SNRK: variants seen among roughly 807,000 people sequenced by gnomAD.
SNRK encodes SNF related kinase, also known as SNF-related serine/threonine-protein kinase.
In SNRK, 3 loss-of-function variants were observed where a neutral mutation model predicts 48.2. The ratio of observed to expected loss-of-function variants is 0.06; its 90% CI spans 0.03 to 0.16. The LOEUF (loss-of-function observed/expected upper bound fraction) is 0.16, where lower values mean the gene tolerates loss of function less well. Among genes scored for constraint, SNRK ranks in the 10% least tolerant of loss-of-function variants. SNRK has a pLI of 1.00. For synonymous variants in SNRK, 376 were observed against 366.1 expected, an observed-to-expected ratio of 1.03 and a Z score of -0.31; for missense variants, 627 against 976.0, an observed-to-expected ratio of 0.64 and a Z score of 4.76.
intron 2 of SNRK, among the ~76,000 whole-genome samples, chr3:43,300,331 G>A (rs1389188723): frequency 6.6e-6 from 1 of 151,964 alleles, no homozygotes; most frequent in Admixed American, 6.6e-5. Flanking sequence ...TGAAAAAAAA[G>A]CTTTTTCATT....
chr3:43,339,236 T>C (rs1463613241), intron 4 of SNRK, among the ~76,000 whole-genome samples: 2 of 152,220 alleles, frequency 1.3e-5, no homozygotes, highest in African/African-American at 2.4e-5. Context: ...GACCAGCTTG[T>C]AGTTAGAAGA....
chr3:43,340,626 C>T lies in SNRK; in HGVS notation c.944+127C>T, dbSNP rs1003152977. ...AGTTCCCAGTTGGCAAGAGTTGTGT[C>T]ATTTATCTCTAAAGTTCTTGGCCCA... On this transcript the variant is annotated intron_variant, in intron 5 of 6. Coordinates refer to ENST00000296088, the MANE Select transcript of SNRK (RefSeq NM_017719.5). 14 of 824,134 alleles carry T rather than the reference C, an allele frequency of 1.7e-5. No individual in the cohort carries two copies. In the African/African-American group the frequency reaches 2.4e-4, roughly 14 times the overall value. 51.1% of individuals were successfully genotyped at this position (824,134 alleles called of 1,614,324 possible). A position where few individuals can be genotyped will look rare whatever the true frequency, so the allele number is the denominator to read the frequency against.
In SNRK at chr3:43,347,789, C is replaced by T. The variant is rs1214882368; in HGVS notation, c.1530C>T (p.Ser510=). ...DMDENLPPKL[S]RLKMNIASPG... ...ATGAGAATCTGCCTCCCAAGTTGAG[C>T]AGGTTAAAGATGAATATAGCTTCTC... Residue 510 remains serine, a synonymous_variant, in exon 7 of 7, where the codon AGC becomes AGT. Coordinates refer to ENST00000296088, the MANE Select transcript of SNRK (RefSeq NM_017719.5). The surrounding 1 kb of genome is among the most constrained non-coding windows in gnomAD (Gnocchi z 5.4). 3 of 1,614,022 alleles carry T rather than the reference C, an allele frequency of 1.9e-6. No individual in the cohort carries two copies. The highest frequency in any genetic ancestry group is 2.5e-6 in the Non-Finnish European group (3 of 1,180,048).
Position 43,348,522 on chromosome 3 carries a change from G to T in SNRK, c.2263G>T (p.Ala755Ser). Reference protein sequence around the residue: ...QRNPKEGLLCASSPASCCHVI With the variant: ...QRNPKEGLLCSSSPASCCHVI ...GAACCCTAAGGAGGGGCTGCTGTGC[G>T]CATCCAGCCCAGCCAGCTGTTGCCA... The change falls in exon 7 of 7, where the codon GCA (alanine) becomes TCA (serine). Residue 755 changes from alanine to serine, a missense_variant. By Grantham distance (99) the Ala-to-Ser change is moderately conservative. Around this residue, in one of 4 missense-constraint regions of SNRK, gnomAD observed 207 missense variants for 234.3 expected, o/e 0.88. Coordinates refer to ENST00000296088, the MANE Select transcript of SNRK (RefSeq NM_017719.5). 6.4e-7 allele frequency: 1 copy of T among 1,550,856 alleles called. No homozygotes were observed.
chr3:43,306,088 T>A (rs1025517028), intron 3 of SNRK, among the ~76,000 whole-genome samples: 3 of 152,198 alleles, frequency 2.0e-5, no homozygotes, highest in Non-Finnish European at 4.4e-5. Flanking sequence ...TGGGAAGATG[T>A]TCACCAGTCT....
At chr3:43,343,595 C>T (rs373653002) in intron 6 of SNRK, 117 bp downstream of exon 6, 77 of 1,152,398 alleles carry the variant, frequency 6.7e-5, no homozygotes, top group African/African-American at 3.2e-4. Flanking sequence ...ACAGTGATGA[C>T]GGCCTCATTG....
chr3:43,296,171 A>G (rs1404881159), intron 1 of SNRK, among the ~76,000 whole-genome samples: 1 of 152,084 alleles, frequency 6.6e-6, no homozygotes, highest in Non-Finnish European at 1.5e-5. Flanking sequence ...TACCATTTTT[A>G]AAATTTTAGC....
At chr3:43,326,050 G>A (rs1039163420) in intron 3 of SNRK, among the ~76,000 whole-genome samples, 1 of 152,092 alleles carries the variant, frequency 6.6e-6, no homozygotes, top group Non-Finnish European at 1.5e-5. Context: ...AGTTGGAAGG[G>A]TGTCTGCTGC....
chr3:43,335,486 T>A (rs577184856), intron 4 of SNRK, among the ~76,000 whole-genome samples: 1 of 152,140 alleles, frequency 6.6e-6, no homozygotes, highest in East Asian at 1.9e-4. Flanking sequence ...TTCAAATTGC[T>A]GAGACTTGCT....
At chr3:43,311,563 C>T (rs2090979075) in intron 3 of SNRK, among the ~76,000 whole-genome samples, 1 of 152,162 alleles carries the variant, frequency 6.6e-6, no homozygotes, top group Non-Finnish European at 1.5e-5. Flanking sequence ...TGTGAAAAAT[C>T]CTGGAATCTC....
At chr3:43,343,299 A>G (rs780300676) in intron 5 of SNRK, 45 bp from the exon 6 acceptor site, 3 of 1,531,186 alleles carry the variant, frequency 2.0e-6, no homozygotes, top group Non-Finnish European at 2.6e-6. Context: ...TTGTAAAAAA[A>G]CCTCCTGATA....
chr3:43,327,445 G>C (rs1292441265), intron 3 of SNRK, among the ~76,000 whole-genome samples: 1 of 152,142 alleles, frequency 6.6e-6, no homozygotes. Context: ...TATTTTATCT[G>C]CTGTGGTTTT....
chr3:43,287,454 T>C (rs1506618), intron 1 of SNRK, among the ~76,000 whole-genome samples: 149,340 of 152,272 alleles, frequency 0.98, 73,298 homozygotes, highest in East Asian at 1. Context: ...AGTCCAGTAG[T>C]TTCATAGGGA....
rs913442829 is a variant in SNRK at position 43,349,704 on chromosome 3, A to C, written c.*1147A>C. On this transcript the variant is annotated 3_prime_UTR_variant, in exon 7 of 7. Transcript: ENST00000296088. ...CTTTGCCTTTTTCTGCCAAAACAAT[A>C]ATCAAAGAACTCTTGCTTTAACCTA... The C allele has an allele frequency of 6.6e-6, 1 of 152,344 alleles. No homozygotes were observed. The highest frequency in any genetic ancestry group is 2.4e-5 in the African/African-American group (1 of 41,566). 9.4% of individuals were successfully genotyped at this position (152,344 alleles called of 1,614,324 possible). A position where few individuals can be genotyped will look rare whatever the true frequency, so the allele number is the denominator to read the frequency against.
At chr3:43,306,844 T>C (rs2090941766) in intron 3 of SNRK, among the ~76,000 whole-genome samples, 2 of 152,184 alleles carry the variant, frequency 1.3e-5, no homozygotes, top group African/African-American at 4.8e-5. Flanking sequence ...AATGGATAGA[T>C]TTATTTTTCT....
chr3:43,290,363 T>C (rs1389861053), intron 1 of SNRK, among the ~76,000 whole-genome samples: 3 of 152,228 alleles, frequency 2.0e-5, no homozygotes, highest in African/African-American at 7.2e-5. Context: ...ATTTTAGAAC[T>C]AGAAGCAAAT....
rs757913103 is a variant in SNRK at position 43,347,587 on chromosome 3, T to A, written c.1328T>A (p.Phe443Tyr). 1 of 1,613,996 alleles carries A rather than the reference T, an allele frequency of 6.2e-7. No homozygotes were observed. The highest frequency in any genetic ancestry group is 1.1e-5 in the South Asian group (1 of 91,086). The change falls in exon 7 of 7, where the codon TTC becomes TAC. Residue 443 changes from phenylalanine to tyrosine, a missense_variant. Physicochemically the swap from Phe to Tyr is conservative, Grantham distance 22 (BLOSUM62 3). Around this residue, in one of 4 missense-constraint regions of SNRK, gnomAD observed 175 missense variants for 209.7 expected, o/e 0.83. Transcript: ENST00000296088. This position sits in a 1 kb window ranked among gnomAD's most constrained non-coding sequence, Gnocchi z 5.4. The part of the protein sequence containing the change: ...KPTASGRKCL[F>Y]RVEEDEEEDE... ...ACAGCCAGTGGGCGGAAGTGTCTGT[T>A]CAGGGTGGAAGAAGATGAAGAGGAA...
chr3:43,328,305 G>GT lies in SNRK; in HGVS notation c.590-3851dup, dbSNP rs1287719284. On this transcript the variant is annotated intron_variant, in intron 3 of 6. Transcript: ENST00000296088. ...AGGAGTTTGTAGTTTTGTTAACACG[G>GT]TTTTTTTTTTTTTCTTATGGAAAAA... Among the ~76,000 whole-genome samples, 852 of 143,924 alleles carry GT rather than the reference G, an allele frequency of 5.9e-3. 5 individuals carry two copies. The highest frequency in any genetic ancestry group is 0.014 in the African/African-American group (562 of 39,590). 94.4% of individuals were successfully genotyped at this position (143,924 alleles called of 152,430 possible).
chr3:43,300,382 A>G (rs1486041922), intron 2 of SNRK, among the ~76,000 whole-genome samples: 1 of 152,124 alleles, frequency 6.6e-6, no homozygotes, highest in Non-Finnish European at 1.5e-5. Flanking sequence ...AATCAGATTC[A>G]TTTATAAAAT....
Sources: gnomAD v4.1 joint callset for allele counts (sites outside exome capture counted in the v4.1 genomes callset) on GRCh38, gnomAD v4.1.1 for gene constraint, gnomAD v4.1.1 regional missense constraint, Gnocchi (gnomAD v3.1) non-coding constraint, MANE v1.5 for transcripts, NCBI Gene and HGNC (gene_info 2026-07-23, HGNC 2026-07-21) for gene names.